Variants in BTG4 observed in about 807,000 individuals in gnomAD.
BTG4 encodes BTG anti-proliferation factor 4.
BTG4 carries 10 observed loss-of-function variants against 19.3 expected under a neutral mutation model. The observed-to-expected ratio is 0.52, with a 90% CI of 0.32 to 0.88. BTG4 has a LOEUF of 0.88. BTG4 is among the 40% of genes least tolerant of loss of function. The pLI, the probability that BTG4 is intolerant of heterozygous loss-of-function variation, is 0.04. For missense variants in BTG4, 238 were observed against 281.9 expected (o/e 0.84, Z 1.11); for synonymous variants, 91 against 95.7 (o/e 0.95, Z 0.29).
downstream of BTG4, among the ~76,000 whole-genome samples, chr11:111,463,710 T>C (rs1359820621): frequency 1.3e-5 from 2 of 152,222 alleles, no homozygotes; most frequent in Non-Finnish European, 2.9e-5. Flanking sequence ...TTCTCACAGT[T>C]TCTTTGGGCC....
the BTG4 span, among the ~76,000 whole-genome samples, chr11:111,458,659 A>G: frequency 7.4e-3 from 1,120 of 152,142 alleles, 20 homozygotes; most frequent in African/African-American, 0.026. Context: ...TCCACTTCCC[A>G]CGAATAAACG....
intron 1 of BTG4, among the ~76,000 whole-genome samples, chr11:111,509,700 A>AAAAAACAAAAAC (rs150136652): frequency 6.6e-6 from 1 of 151,778 alleles, no homozygotes; most frequent in Admixed American, 6.6e-5. Flanking sequence ...CCATCTCAAA[A>AAAAAACAAAAAC]AAAAACAAAA....
chr11:111,396,914 G>A, the BTG4 span: 1 of 152,296 alleles, frequency 6.6e-6, no homozygotes, highest in East Asian at 1.9e-4. Flanking sequence ...ACTGTGGTTT[G>A]CCCACAGCTA....
At chr11:111,409,071 A>C in the BTG4 span, among the ~76,000 whole-genome samples, 61 of 152,332 alleles carry the variant, frequency 4.0e-4, no homozygotes, top group Non-Finnish European at 7.8e-4. Flanking sequence ...AAGGAGGAAG[A>C]GATGGGAATG....
chr11:111,506,658 A>G (rs371416251), intron 1 of BTG4, among the ~76,000 whole-genome samples: 1 of 152,180 alleles, frequency 6.6e-6, no homozygotes, highest in Non-Finnish European at 1.5e-5. Context: ...TCAGAGTGTA[A>G]GAAAATGTTC....
chr11:111,401,489 A>AAAAAAG, the BTG4 span, among the ~76,000 whole-genome samples: 550 of 152,010 alleles, frequency 3.6e-3, 2 homozygotes, highest in African/African-American at 0.013. Context: ...CTCAAAAAAA[A>AAAAAAG]AAAAGAAAAG....
the BTG4 span, among the ~76,000 whole-genome samples, chr11:111,426,075 A>G: frequency 6.6e-6 from 1 of 152,152 alleles, no homozygotes; most frequent in Admixed American, 6.5e-5. Flanking sequence ...TCTAGTGCCT[A>G]GGTGATTTAC....
the BTG4 span, among the ~76,000 whole-genome samples, chr11:111,436,334 T>C: frequency 1.3e-5 from 2 of 152,202 alleles, no homozygotes; most frequent in African/African-American, 2.4e-5. Flanking sequence ...GGGGGACTTT[T>C]GGACAGGCAC....
the BTG4 span, among the ~76,000 whole-genome samples, chr11:111,390,918 A>G: frequency 6.6e-6 from 1 of 152,228 alleles, no homozygotes; most frequent in Admixed American, 6.5e-5. Context: ...GCTGACTCAG[A>G]CCCACCTCCG....
chr11:111,421,869 T>C, the BTG4 span, among the ~76,000 whole-genome samples: 1 of 151,494 alleles, frequency 6.6e-6, no homozygotes, highest in African/African-American at 2.4e-5. Flanking sequence ...GCCAAGATCA[T>C]GCCACTGCAC....
the BTG4 span, chr11:111,455,364 G>C: frequency 7.3e-6 from 2 of 273,568 alleles, no homozygotes; most frequent in Non-Finnish European, 1.5e-5. Context: ...AGGTGAGCAG[G>C]CAGGGTTGTC....
the BTG4 span, among the ~76,000 whole-genome samples, chr11:111,430,482 G>GAATT: frequency 6.6e-6 from 1 of 152,206 alleles, no homozygotes; most frequent in Non-Finnish European, 1.5e-5. Flanking sequence ...AGGGATGACT[G>GAATT]AATTCTGTCT....
chr11:111,432,010 CA>C, the BTG4 span, among the ~76,000 whole-genome samples: 3 of 146,980 alleles, frequency 2.0e-5, no homozygotes, highest in Non-Finnish European at 4.5e-5. Context: ...GTCAGAATTA[CA>C]AAAAAATAGT....
chr11:111,490,053 C>T (rs1396890073), downstream of BTG4, among the ~76,000 whole-genome samples: 1 of 150,268 alleles, frequency 6.7e-6, no homozygotes, highest in Non-Finnish European at 1.5e-5. Context: ...GGGTGGATCA[C>T]ATGAGGCCAG....
intron 5 of BTG4, among the ~76,000 whole-genome samples, chr11:111,471,189 A>G (rs1217514940): frequency 6.6e-6 from 1 of 152,200 alleles, no homozygotes; most frequent in African/African-American, 2.4e-5. Context: ...ACATTATTGA[A>G]AAAGAAGATA....
chr11:111,454,147 T>A, the BTG4 span: 2 of 383,026 alleles, frequency 5.2e-6, no homozygotes, highest in African/African-American at 4.2e-5. Context: ...CTGTTGAGGC[T>A]CTATAGGAAG....
At chr11:111,486,957 C>T (rs1865102556) in intron 5 of BTG4, among the ~76,000 whole-genome samples, 1 of 151,970 alleles carries the variant, frequency 6.6e-6, no homozygotes, top group Non-Finnish European at 1.5e-5. Context: ...GCATTTTATC[C>T]TGATGCTCTC....
chr11:111,472,299 T>C (rs1466636277), intron 5 of BTG4, among the ~76,000 whole-genome samples: 7 of 152,204 alleles, frequency 4.6e-5, no homozygotes, highest in African/African-American at 1.7e-4. Flanking sequence ...CTTCAAGCAC[T>C]AGGGACACTT....
chr11:111,471,545 G>T (rs7129612), intron 5 of BTG4, among the ~76,000 whole-genome samples: 5,892 of 152,094 alleles, frequency 0.039, 153 homozygotes, highest in Non-Finnish European at 0.052. Flanking sequence ...TTCTCTGATT[G>T]TTCCTTCTCA....
Sources: allele counts gnomAD v4.1 joint callset (sites outside exome capture counted in the v4.1 genomes callset), GRCh38; gene constraint gnomAD v4.1.1; transcripts MANE v1.5; gene names NCBI Gene and HGNC (gene_info 2026-07-23, HGNC 2026-07-21).